TLE3: variants seen among roughly 807,000 people sequenced by gnomAD.
TLE3 encodes TLE family member 3, transcriptional corepressor.
In TLE3, 14 loss-of-function variants were observed where a neutral mutation model predicts 93.0. That is an observed-to-expected ratio of 0.15 (90% confidence interval 0.10 to 0.24). The LOEUF (loss-of-function observed/expected upper bound fraction) is 0.24. Ranked by LOEUF, TLE3 falls within the 10% of genes least tolerant of loss-of-function variation. The pLI, the probability that TLE3 is intolerant of heterozygous loss-of-function variation, is 1.00. For missense variants in TLE3, 693 were observed against 1,046.6 expected (o/e 0.66, Z 4.66); for synonymous variants, 451 against 425.0 (o/e 1.06, Z -0.75).
At chr15:70,075,997 AGGCTGGGGCTGG>A (rs767033270) in intron 5 of TLE3, 87 bp downstream of exon 5, 9 of 1,128,724 alleles carry the variant, frequency 8.0e-6, no homozygotes, top group South Asian at 2.6e-5. Flanking sequence ...ACAGGGGCTG[AGGCTGGGGCTGG>A]GGCTGGGGCT....
chr15:70,086,864 C>G (rs1386192813), intron 4 of TLE3, among the ~76,000 whole-genome samples: 1 of 150,898 alleles, frequency 6.6e-6, no homozygotes, highest in Non-Finnish European at 1.5e-5. Flanking sequence ...TTCGCACCCC[C>G]ACCCTGCCTT....
At chr15:70,055,387 C>CGA (rs1694452915) in intron 14 of TLE3, 89 bp from the exon 15 acceptor site, 1 of 1,495,748 alleles carries the variant, frequency 6.7e-7, no homozygotes, top group Admixed American at 2.2e-5. Context: ...GCACTGCCCC[C>CGA]GACTGGCTGC....
Position 70,065,996 on chromosome 15 carries a change from G to GGCCCCCCCCCCC in TLE3, c.577+17_577+18insGGGGGGGGGGGC. On this transcript the variant is annotated intron_variant, in intron 7 of 19. Coordinates refer to ENST00000451782, the MANE Select transcript of TLE3 (RefSeq NM_001105192.3). ...CCACCCCTGCCCCGCCCCACCCTCT[G>GGCCCCCCCCCCC]CCCCAGCCCAGCCGCACCTCTGTGA... is the stretch of plus-strand genomic sequence containing the variant. 7.4e-7 allele frequency: 1 copy of GGCCCCCCCCCCC among 1,347,800 alleles called. No individual in the cohort carries two copies. Among genetic ancestry groups the GGCCCCCCCCCCC allele is most frequent in the Non-Finnish European group, 1.0e-6 (1 of 955,754 alleles). 83.5% of individuals were successfully genotyped at this position (1,347,800 alleles called of 1,614,324 possible). A position where few individuals can be genotyped will look rare whatever the true frequency, so the allele number is the denominator to read the frequency against.
intron 3 of TLE3, chr15:70,095,375 C>T: frequency 1.4e-6 from 2 of 1,446,894 alleles, no homozygotes; most frequent in Non-Finnish European, 1.8e-6. Context: ...TCTTTCTGCC[C>T]CTCCCCTCAC....
At chr15:70,079,814 C>CG (rs1421364382) in intron 4 of TLE3, among the ~76,000 whole-genome samples, 1 of 151,986 alleles carries the variant, frequency 6.6e-6, no homozygotes, top group East Asian at 1.9e-4. Context: ...ACAATAACCC[C>CG]GCGGAGAAGG....
At position 70,097,021 on chromosome 15, in the gene TLE3, C is replaced by G; in HGVS notation, c.-223G>C. The G allele has an allele frequency of 1.7e-6, 1 of 588,668 alleles. No homozygotes were observed. The highest frequency in any genetic ancestry group is 2.9e-6 in the Non-Finnish European group (1 of 343,206). The allele number at this position is 588,668 out of a possible 1,614,324, so 36.5% of individuals were successfully genotyped here. ...CAGGCGGCAAAGTCGTCGGCGGGCGCCGGGGCCGGGCGGCGGGCGCGGGCT... is the reference window on the plus strand; with the variant it reads ...CAGGCGGCAAAGTCGTCGGCGGGCGGCGGGGCCGGGCGGCGGGCGCGGGCT... On this transcript the variant is annotated 5_prime_UTR_variant, in exon 1 of 20. Transcript: ENST00000451782.
intron 4 of TLE3, among the ~76,000 whole-genome samples, chr15:70,085,279 G>A (rs1434778787): frequency 6.6e-6 from 1 of 152,210 alleles, no homozygotes; most frequent in Non-Finnish European, 1.5e-5. Flanking sequence ...TGACTCCAAA[G>A]CCAACCTCTT....
At chr15:70,060,829 C>T in intron 8 of TLE3, 180 bp from the exon 9 acceptor site, 1 of 1,007,038 alleles carries the variant, frequency 9.9e-7, no homozygotes. Context: ...TCCCCACTCC[C>T]CTGAGACTGA....
chr15:70,096,866 A>C lies in TLE3; in HGVS notation c.-68T>G. 2.8e-6 allele frequency: 4 copies of C among 1,427,090 alleles called. No individual in the cohort carries two copies. The highest frequency in any genetic ancestry group is 3.9e-6 in the Non-Finnish European group (4 of 1,032,538). 88.4% of individuals were successfully genotyped at this position (1,427,090 alleles called of 1,614,324 possible). A position where few individuals can be genotyped will look rare whatever the true frequency, so the allele number is the denominator to read the frequency against. On this transcript the variant is annotated 5_prime_UTR_variant, in exon 1 of 20. Coordinates refer to ENST00000451782, the MANE Select transcript of TLE3 (RefSeq NM_001105192.3). Reference sequence around the variant, plus strand: ...AGCCCGGGCCGGGGAGGTGCGGGGGAGGGGGGAGCCGAGCCCGAGCGGGGG... The same window carrying C: ...AGCCCGGGCCGGGGAGGTGCGGGGGCGGGGGGAGCCGAGCCCGAGCGGGGG...
At chr15:70,053,525 T>C (rs929456526) in intron 16 of TLE3, 151 bp from the exon 17 acceptor site, 3 of 889,242 alleles carry the variant, frequency 3.4e-6, no homozygotes, top group Non-Finnish European at 4.8e-6. Context: ...GCAGCAAAGC[T>C]AGCCCCGGCC....
At chr15:70,072,018 T>C (rs2057204977) in intron 6 of TLE3, among the ~76,000 whole-genome samples, 1 of 152,208 alleles carries the variant, frequency 6.6e-6, no homozygotes, top group African/African-American at 2.4e-5. Flanking sequence ...GACTCGGCTG[T>C]CCGTAATTCC....
In TLE3 at chr15:70,097,016, G is replaced by C. The variant is rs2058600242; in HGVS notation, c.-218C>G. On this transcript the variant is annotated 5_prime_UTR_variant, in exon 1 of 20. Transcript: ENST00000451782. ...CGGAGCAGGCGGCAAAGTCGTCGGC[G>C]GGCGCCGGGGCCGGGCGGCGGGCGC... 1.7e-6 allele frequency: 1 copy of C among 595,638 alleles called. No individual in the cohort carries two copies. Among genetic ancestry groups the C allele is most frequent in the Admixed American group, 3.6e-5 (1 of 27,630 alleles). The allele number at this position is 595,638 out of a possible 1,614,324, so 36.9% of individuals were successfully genotyped here. A position where few individuals can be genotyped will look rare whatever the true frequency, so the allele number is the denominator to read the frequency against.
rs368541478 is a variant in TLE3 at position 70,058,194 on chromosome 15, G to A, written c.1016C>T (p.Ser339Leu). ...PGTSTTPGLR[S>L]MPGKPPGMDP... ...CATGCCCGGAGGTTTACCCGGCATC[G>A]ACCTGAGCCCTGGGGTCGTGCTGGT... Residue 339 changes from serine (S) to leucine (L), a missense_variant, in exon 12 of 20, where the codon TCG becomes TTG. Physicochemically the swap from Ser to Leu is moderately radical, Grantham distance 145. Coordinates refer to ENST00000451782, the MANE Select transcript of TLE3 (RefSeq NM_001105192.3). The surrounding 1 kb of genome is among the most constrained non-coding windows in gnomAD (Gnocchi z 4.1). The A allele has an allele frequency of 6.2e-6, 10 of 1,613,746 alleles. No individual in the cohort carries two copies. The African/African-American group carries it at 6.7e-5, about 11-fold the overall frequency.
intron 4 of TLE3, among the ~76,000 whole-genome samples, chr15:70,080,249 C>T (rs1381188704): frequency 6.6e-6 from 1 of 152,220 alleles, no homozygotes; most frequent in Non-Finnish European, 1.5e-5. Flanking sequence ...CACAAAGCCA[C>T]TGCTTTTGAG....
rs533365834 is a variant in TLE3 at position 70,096,917 on chromosome 15, C to G, written c.-119G>C. The stretch of plus-strand genomic sequence containing the variant: ...GCGGCCGGGAAACCGAGAGCTCGCC[C>G]CCGGCCCCCCCAGCTCGTTCTCGCA... On this transcript the variant is annotated 5_prime_UTR_variant, in exon 1 of 20. Transcript: ENST00000451782. 1.1e-4 allele frequency: 125 copies of G among 1,122,188 alleles called. No individual in the cohort carries two copies. The South Asian group carries it at 1.6e-3, about 15-fold the overall frequency. The allele number at this position is 1,122,188 out of a possible 1,614,324, so 69.5% of individuals were successfully genotyped here. A position where few individuals can be genotyped will look rare whatever the true frequency, so the allele number is the denominator to read the frequency against.
intron 8 of TLE3, 22 bp from the exon 9 acceptor site, chr15:70,060,671 G>C (rs771750994): frequency 6.2e-7 from 1 of 1,612,346 alleles, no homozygotes; most frequent in Non-Finnish European, 8.5e-7. Flanking sequence ...AAGAGGGTTC[G>C]GGGTTAAAAC....
At chr15:70,056,921 G>C (rs1050330283) in intron 13 of TLE3, among the ~76,000 whole-genome samples, 3 of 152,020 alleles carry the variant, frequency 2.0e-5, no homozygotes, top group African/African-American at 7.3e-5. Context: ...GCTAATTTTT[G>C]TATTTTTAGT....
intron 4 of TLE3, 52 bp from the exon 5 acceptor site, chr15:70,076,210 G>C: frequency 6.3e-7 from 1 of 1,575,526 alleles, no homozygotes; most frequent in Non-Finnish European, 8.7e-7. Context: ...TCAAGTCACT[G>C]AAATGTCATA....
At position 70,097,329 on chromosome 15, in the gene TLE3, G is replaced by C. The variant is rs919797257; in HGVS notation, c.-531C>G. 2.0e-5 allele frequency: 8 copies of C among 401,988 alleles called. No individual in the cohort carries two copies. The East Asian group carries it at 2.8e-4, about 14-fold the overall frequency. 24.9% of individuals were successfully genotyped at this position (401,988 alleles called of 1,614,324 possible). On this transcript the variant is annotated 5_prime_UTR_variant, in exon 1 of 20. Coordinates refer to ENST00000451782, the MANE Select transcript of TLE3 (RefSeq NM_001105192.3). Reference sequence around the variant, plus strand: ...GGCTCGCGGCGAGAAGAGGAAGGAGGCGGGCTACGAGGTGGTGGCTTGGGG... The same window carrying C: ...GGCTCGCGGCGAGAAGAGGAAGGAGCCGGGCTACGAGGTGGTGGCTTGGGG...
Sources: allele counts gnomAD v4.1 joint callset (sites outside exome capture counted in the v4.1 genomes callset), GRCh38; gene constraint gnomAD v4.1.1; non-coding constraint Gnocchi (gnomAD v3.1); transcripts MANE v1.5; gene names NCBI Gene and HGNC (gene_info 2026-07-23, HGNC 2026-07-21).